The following TAMM41 variants were observed in gnomAD, a reference collection of about 807,000 sequenced individuals.
The protein encoded by TAMM41 is TAM41 mitochondrial translocator assembly and maintenance homolog, also known as phosphatidate cytidylyltransferase, mitochondrial.
A neutral mutation model predicts 44.1 loss-of-function variants in TAMM41; 36 were observed. The ratio of observed to expected loss-of-function variants is 0.82; its 90% CI spans 0.63 to 1.08. The LOEUF (loss-of-function observed/expected upper bound fraction) is 1.08, where lower values mean the gene tolerates loss of function less well. Ranked by LOEUF, TAMM41 falls within the 50% of genes least tolerant of loss-of-function variation. TAMM41 has a pLI of 0.00. For synonymous variants in TAMM41, 164 were observed against 153.1 expected, an observed-to-expected ratio of 1.07 and a Z score of -0.53; for missense variants, 417 against 404.3, an observed-to-expected ratio of 1.03 and a Z score of -0.27.
At chr3:11,734,167 T>G in the TAMM41 span, among the ~76,000 whole-genome samples, 9 of 152,208 alleles carry the variant, frequency 5.9e-5, no homozygotes, top group Non-Finnish European at 1.2e-4. Flanking sequence ...GGTGGCCAGC[T>G]GGTCATCTCT....
At chr3:11,832,282 AC>A (rs10552030) in intron 3 of TAMM41, among the ~76,000 whole-genome samples, 5,148 of 42,498 alleles carry the variant, frequency 0.12, 254 homozygotes, top group African/African-American at 0.41. Flanking sequence ...ATTCAGAAAA[AC>A]AAAAAAAAAA....
chr3:11,751,707 C>T, the TAMM41 span, among the ~76,000 whole-genome samples: 50,113 of 152,170 alleles, frequency 0.33, 8,492 homozygotes, highest in Non-Finnish European at 0.37. Context: ...AGTCTGGACA[C>T]TGCTCAGGCC....
chr3:11,790,698 G>C, intron 7 of TAMM41, 117 bp from the exon 8 acceptor site: 1 of 820,230 alleles, frequency 1.2e-6, no homozygotes, highest in Admixed American at 2.2e-5. Context: ...GGGCTGACCC[G>C]TGGCTCTAGG....
At chr3:11,789,044 T>G (rs546461427), downstream of TAMM41, among the ~76,000 whole-genome samples, 1 of 152,278 alleles carries the variant, frequency 6.6e-6, no homozygotes, top group Admixed American at 6.5e-5. Flanking sequence ...AACCATTTGC[T>G]CAATGCTAGG....
At chr3:11,731,521 C>T in the TAMM41 span, among the ~76,000 whole-genome samples, 5 of 152,192 alleles carry the variant, frequency 3.3e-5, no homozygotes, top group Admixed American at 2.6e-4. Context: ...ATAAAAGACT[C>T]AAAAAAGTGA....
intron 3 of TAMM41, among the ~76,000 whole-genome samples, chr3:11,831,304 C>T (rs1434650599): frequency 1.3e-5 from 2 of 152,270 alleles, no homozygotes; most frequent in South Asian, 4.2e-4. Context: ...TTAAGCAATG[C>T]CCAGGGACCA....
rs1240163371 is a variant in TAMM41, at chr3:11,790,480, A to G, written c.*25T>C. ...GATCAAACACTTTATTCATCTACACATAACATATATAAAAGCAAGCAAAAT... is the reference window on the plus strand; with the variant it reads ...GATCAAACACTTTATTCATCTACACGTAACATATATAAAAGCAAGCAAAAT... On this transcript the variant is annotated 3_prime_UTR_variant, in exon 8 of 8. Coordinates refer to ENST00000455809, the MANE Select transcript of TAMM41 (RefSeq NM_001284401.2). The G allele has an allele frequency of 6.3e-7, 1 of 1,597,406 alleles. No individual in the cohort carries two copies. The highest frequency in any genetic ancestry group is 1.7e-5 in the Admixed American group (1 of 59,878).
At chr3:11,776,673 C>T in the TAMM41 span, among the ~76,000 whole-genome samples, 30 of 152,178 alleles carry the variant, frequency 2.0e-4, no homozygotes, top group Non-Finnish European at 3.5e-4. Flanking sequence ...CCTGACAACG[C>T]ATTTCTCAGA....
At chr3:11,753,677 C>T in the TAMM41 span, among the ~76,000 whole-genome samples, 2 of 151,910 alleles carry the variant, frequency 1.3e-5, no homozygotes, top group Non-Finnish European at 2.9e-5. Flanking sequence ...GCAGAGCTTG[C>T]AGTGAGCTGA....
At chr3:11,736,714 G>C in the TAMM41 span, among the ~76,000 whole-genome samples, 1 of 149,908 alleles carries the variant, frequency 6.7e-6, no homozygotes, top group African/African-American at 2.6e-5. Context: ...CTCATTTAAT[G>C]CTGGCATCCC....
the TAMM41 span, among the ~76,000 whole-genome samples, chr3:11,726,814 AAAAAG>A: frequency 6.6e-6 from 1 of 151,580 alleles, no homozygotes; most frequent in African/African-American, 2.4e-5. Context: ...AAAAAAAAAA[AAAAAG>A]AAAAAAGAAA....
Position 11,809,630 on chromosome 3 carries a change from G to C in TAMM41, c.761C>G (p.Thr254Ser), listed in dbSNP as rs760986698. 3.1e-6 allele frequency: 5 copies of C among 1,613,896 alleles called. No homozygotes were observed. Among genetic ancestry groups the C allele is most frequent in the Middle Eastern group, 1.6e-4 (1 of 6,084 alleles). The part of the protein sequence containing the change: ...QFTQLMTLPK[T>S]LQQQINHIMD... ...AATATGATTTATCTGTTGCTGTAAG[G>C]TTTTGGGCAATGTCATCAGCTGAGT... The change falls in exon 6 of 8, where the codon ACC (threonine) becomes AGC (serine). Residue 254 changes from threonine (T) to serine (S), a missense_variant. Physicochemically the swap from Thr to Ser is moderately conservative, Grantham distance 58. Coordinates refer to ENST00000455809, the MANE Select transcript of TAMM41 (RefSeq NM_001284401.2).
Position 11,790,675 on chromosome 3 carries a change from G to A in TAMM41, c.938-94C>T, listed in dbSNP as rs2077458235. Reference sequence around the variant, plus strand: ...CATTCTGAGCAGACTTGTCTTTGGAGGAGGGCAGTGAGGGGCTGACCCGTG... The same window carrying A: ...CATTCTGAGCAGACTTGTCTTTGGAAGAGGGCAGTGAGGGGCTGACCCGTG... On this transcript the variant is annotated intron_variant, in intron 7 of 7. Coordinates refer to ENST00000455809, the MANE Select transcript of TAMM41 (RefSeq NM_001284401.2). The A allele has an allele frequency of 2.6e-6, 3 of 1,139,176 alleles. No individual in the cohort carries two copies. The South Asian group carries it at 3.9e-5, about 15-fold the overall frequency. 70.6% of individuals were successfully genotyped at this position (1,139,176 alleles called of 1,614,324 possible).
intron 5 of TAMM41, among the ~76,000 whole-genome samples, chr3:11,813,872 ATGTATATATGTATATATG>A (rs1360212235): frequency 1.7e-4 from 24 of 142,718 alleles, no homozygotes; most frequent in Non-Finnish European, 2.5e-4. Flanking sequence ...ATGTATATAT[ATGTATATATGTATATATG>A]TGTATATATG....
At chr3:11,823,878 T>C (rs2078633324) in intron 4 of TAMM41, among the ~76,000 whole-genome samples, 1 of 144,874 alleles carries the variant, frequency 6.9e-6, no homozygotes, top group Non-Finnish European at 1.5e-5. Context: ...CAGGCTGGAG[T>C]GCAGTGGCAT....
chr3:11,724,001 TG>T, the TAMM41 span, among the ~76,000 whole-genome samples: 1,064 of 146,874 alleles, frequency 7.2e-3, 12 homozygotes, highest in South Asian at 0.027. Flanking sequence ...CAGTGGGGGA[TG>T]GGGGGGGGTG....
chr3:11,817,508 A>G (rs990916378), intron 4 of TAMM41, among the ~76,000 whole-genome samples, 171 bp from the exon 5 acceptor site: 1 of 152,210 alleles, frequency 6.6e-6, no homozygotes, highest in Non-Finnish European at 1.5e-5. Context: ...AAATGTGAGC[A>G]CTTGTTTGGA....
intron 7 of TAMM41, among the ~76,000 whole-genome samples, chr3:11,793,332 C>A (rs2077531404): frequency 6.6e-6 from 1 of 152,162 alleles, no homozygotes; most frequent in Non-Finnish European, 1.5e-5. Context: ...TAGTCACCCA[C>A]TAGAGTGCCT....
At chr3:11,767,524 G>C in the TAMM41 span, among the ~76,000 whole-genome samples, 1 of 151,814 alleles carries the variant, frequency 6.6e-6, no homozygotes, top group African/African-American at 2.4e-5. Flanking sequence ...ATGACTACAC[G>C]GAACTATCAA....
Sources: allele counts gnomAD v4.1 joint callset (sites outside exome capture counted in the v4.1 genomes callset), GRCh38; gene constraint gnomAD v4.1.1; transcripts MANE v1.5; gene names NCBI Gene and HGNC (gene_info 2026-07-23, HGNC 2026-07-21).